Variants in PLAC9 observed in about 807,000 individuals in gnomAD.
PLAC9 encodes the protein placenta associated 9.
In PLAC9, 12 loss-of-function variants were observed where a neutral mutation model predicts 11.5. That is an observed-to-expected ratio of 1.05 (90% CI 0.67 to 1.69). PLAC9 has a LOEUF of 1.69. Ranked by LOEUF, PLAC9 falls within the 40% of genes most tolerant of loss-of-function variation. The pLI, the probability that PLAC9 is intolerant of heterozygous loss-of-function variation, is 0.00. For missense variants in PLAC9, 132 were observed against 130.5 expected (o/e 1.01, Z -0.06); for synonymous variants, 62 against 58.1 (o/e 1.07, Z -0.31).
In PLAC9 at chr10:80,144,035, G is replaced by A. The variant is rs1313356606; in HGVS notation, c.163-188G>A. 3 of 721,990 alleles carry A rather than the reference G, an allele frequency of 4.2e-6. No individual in the cohort carries two copies. The East Asian group carries it at 8.0e-5, about 19-fold the overall frequency. The allele number at this position is 721,990 out of a possible 1,614,324, so 44.7% of individuals were successfully genotyped here. A position where few individuals can be genotyped will look rare whatever the true frequency, so the allele number is the denominator to read the frequency against. On this transcript the variant is annotated intron_variant, in intron 2 of 3. Coordinates refer to ENST00000372263, the MANE Select transcript of PLAC9 (RefSeq NM_001012973.3). ...GAGCCTTAGAGAGCAAGCCCCCTAG[G>A]ATATTGTCATCTGGGGAAACTGAGG...
At chr10:80,132,294 A>G (rs1485782948), upstream of PLAC9, among the ~76,000 whole-genome samples, 1 of 152,174 alleles carries the variant, frequency 6.6e-6, no homozygotes, top group Non-Finnish European at 1.5e-5. Context: ...GACAGAGAAA[A>G]GCTGCCAAAC....
chr10:80,135,769 G>A (rs1844968685), intron 1 of PLAC9, among the ~76,000 whole-genome samples: 1 of 152,128 alleles, frequency 6.6e-6, no homozygotes, highest in Admixed American at 6.5e-5. Context: ...GTTTTCTGCT[G>A]CTTTCAAAAA....
At chr10:80,138,748 C>T (rs1407145027) in intron 1 of PLAC9, among the ~76,000 whole-genome samples, 1 of 152,180 alleles carries the variant, frequency 6.6e-6, no homozygotes, top group Non-Finnish European at 1.5e-5. Context: ...ACCTCAAGAC[C>T]TGCCCCACTT....
rs975797256 is a variant in PLAC9 at position 80,145,056 on chromosome 10, C to T, written c.*146C>T. 1 of 1,052,692 alleles carries T rather than the reference C, an allele frequency of 9.5e-7. No individual in the cohort carries two copies. The highest frequency in any genetic ancestry group is 1.4e-6 in the Non-Finnish European group (1 of 698,290). 65.2% of individuals were successfully genotyped at this position (1,052,692 alleles called of 1,614,324 possible). A position where few individuals can be genotyped will look rare whatever the true frequency, so the allele number is the denominator to read the frequency against. ...TCCTCTGTGTCTGCTGACAGAGTAA[C>T]CCGTTTAACTACAGCCTCCTCTCAC... On this transcript the variant is annotated 3_prime_UTR_variant, in exon 4 of 4. Transcript: ENST00000372263.
intron 1 of PLAC9, among the ~76,000 whole-genome samples, chr10:80,134,209 C>A (rs1190358461): frequency 6.6e-6 from 1 of 151,798 alleles, no homozygotes; most frequent in Non-Finnish European, 1.5e-5. Flanking sequence ...CTCTCCCCTC[C>A]CTGGATTATT....
chr10:80,134,658 C>A (rs561859873), intron 1 of PLAC9, among the ~76,000 whole-genome samples: 6 of 152,250 alleles, frequency 3.9e-5, no homozygotes, highest in African/African-American at 1.2e-4. Flanking sequence ...TGATCATACT[C>A]CAAAAACTGT....
At chr10:80,134,265 C>CTTTTTTTTTTTTT (rs559784722) in intron 1 of PLAC9, among the ~76,000 whole-genome samples, 1 of 134,648 alleles carries the variant, frequency 7.4e-6, no homozygotes, top group Non-Finnish European at 1.6e-5. Flanking sequence ...TTCTTTCTTT[C>CTTTTTTTTTTTTT]TTTTTTTTTT....
At position 80,132,743 on chromosome 10, in the gene PLAC9, CG is replaced by C; in HGVS notation, c.-19del. ...GCGGCTGCGGGCAGACGCGGCGCTG[CG>C]CTCGGCCAGGCCGGCACCATGCGGC... On this transcript the variant is annotated 5_prime_UTR_variant, in exon 1 of 4. Coordinates refer to ENST00000372263, the MANE Select transcript of PLAC9 (RefSeq NM_001012973.3). 6.9e-7 allele frequency: 1 copy of C among 1,451,290 alleles called. No individual in the cohort carries two copies. 89.9% of individuals were successfully genotyped at this position (1,451,290 alleles called of 1,614,324 possible). A position where few individuals can be genotyped will look rare whatever the true frequency, so the allele number is the denominator to read the frequency against.
rs180732603 is a variant in PLAC9 at position 80,137,517 on chromosome 10, C to T, written c.65-4565C>T. Among the ~76,000 whole-genome samples, 159 of 152,272 alleles carry T rather than the reference C, an allele frequency of 1.0e-3. 1 individual carries two copies. The highest frequency in any genetic ancestry group is 3.7e-3 in the African/African-American group (152 of 41,538). ...TATCCACAGACTCATGACAACAGGCCCTCCCCTAGGACGGCCACTCTGTGG... is the reference window on the plus strand; with the variant it reads ...TATCCACAGACTCATGACAACAGGCTCTCCCCTAGGACGGCCACTCTGTGG... On this transcript the variant is annotated intron_variant, in intron 1 of 3. Transcript: ENST00000372263.
chr10:80,134,011 TTCATA>T (rs1250256787), intron 1 of PLAC9, among the ~76,000 whole-genome samples: 1 of 151,918 alleles, frequency 6.6e-6, no homozygotes, highest in Non-Finnish European at 1.5e-5. Context: ...TCACACTGAT[TTCATA>T]TATTTTTGTG....
chr10:80,138,010 A>C (rs1844999097), intron 1 of PLAC9, among the ~76,000 whole-genome samples: 1 of 151,702 alleles, frequency 6.6e-6, no homozygotes, highest in South Asian at 2.1e-4. Flanking sequence ...GCCAGGATGG[A>C]GCATAGCCCC....
intron 2 of PLAC9, among the ~76,000 whole-genome samples, chr10:80,142,490 A>C (rs2132337993): frequency 6.6e-6 from 1 of 152,332 alleles, no homozygotes; most frequent in Non-Finnish European, 1.5e-5. Context: ...AAAAGTTTAC[A>C]TCTTTATTGT....
chr10:80,132,836 G>T lies in PLAC9; in HGVS notation c.64+10G>T, dbSNP rs1844928776. 2.0e-5 allele frequency: 30 copies of T among 1,490,778 alleles called. No individual in the cohort carries two copies. Among genetic ancestry groups the T allele is most frequent in the Non-Finnish European group, 2.7e-5 (30 of 1,127,816 alleles). 92.3% of individuals were successfully genotyped at this position (1,490,778 alleles called of 1,614,324 possible). On this transcript the variant is annotated intron_variant, in intron 1 of 3. Coordinates refer to ENST00000372263, the MANE Select transcript of PLAC9 (RefSeq NM_001012973.3). The stretch of plus-strand genomic sequence containing the variant: ...GCGGGCTCTTTGGCCGGTGAGTGGG[G>T]CGCAGGGCGCGGCAGGGGACCTGGA...
At chr10:80,137,905 A>T (rs1372842028) in intron 1 of PLAC9, among the ~76,000 whole-genome samples, 1 of 145,770 alleles carries the variant, frequency 6.9e-6, no homozygotes, top group Non-Finnish European at 1.5e-5. Flanking sequence ...ACAGAGTGAG[A>T]CCCTGTCTAA....
upstream of PLAC9, chr10:80,132,549 G>A (rs1454721066): frequency 3.6e-5 from 16 of 443,568 alleles, no homozygotes; most frequent in East Asian, 6.1e-4. Flanking sequence ...CAGGTGGCAC[G>A]TCGGTGCCTC....
At chr10:80,144,090 ACCCAGGTC>A in intron 2 of PLAC9, 125 bp from the exon 3 acceptor site, 1 of 1,289,046 alleles carries the variant, frequency 7.8e-7, no homozygotes, top group South Asian at 1.2e-5. Context: ...AGTGAGGAAA[ACCCAGGTC>A]ACTTAGCGCC....
At chr10:80,143,581 G>C (rs191910593) in intron 2 of PLAC9, among the ~76,000 whole-genome samples, 1 of 150,922 alleles carries the variant, frequency 6.6e-6, no homozygotes, top group African/African-American at 2.4e-5. Context: ...ATTTTTAGTA[G>C]AGACAGGGTT....
At chr10:80,142,019 C>T in intron 1 of PLAC9, 63 bp from the exon 2 acceptor site, 1 of 1,406,836 alleles carries the variant, frequency 7.1e-7, no homozygotes, top group Non-Finnish European at 9.8e-7. Flanking sequence ...CCAGTGTTTA[C>T]AGGAGTCTCT....
chr10:80,140,759 C>T (rs1336004346), intron 1 of PLAC9, among the ~76,000 whole-genome samples: 1 of 152,128 alleles, frequency 6.6e-6, no homozygotes, highest in Admixed American at 6.6e-5. Context: ...GTCTCAATCT[C>T]CTGACCTCGT....
Sources: allele counts gnomAD v4.1 joint callset (sites outside exome capture counted in the v4.1 genomes callset), GRCh38; gene constraint gnomAD v4.1.1; transcripts MANE v1.5; gene names NCBI Gene and HGNC (gene_info 2026-07-23, HGNC 2026-07-21).